CSMD1: variants seen among roughly 807,000 people sequenced by gnomAD.
CSMD1 encodes CUB and Sushi multiple domains 1, also known as CUB and sushi domain-containing protein 1.
A neutral mutation model predicts 417.5 loss-of-function variants in CSMD1; 213 were observed. That is an observed-to-expected ratio of 0.51 (90% confidence interval 0.46 to 0.57). The LOEUF (loss-of-function observed/expected upper bound fraction) is 0.57. Ranked by LOEUF, CSMD1 falls within the 20% of genes least tolerant of loss-of-function variation. The pLI, the probability that CSMD1 is intolerant of heterozygous loss-of-function variation, is 0.00. For synonymous variants in CSMD1, 2,862 were observed against 1,736.8 expected (o/e 1.65, Z -16.11); for missense variants, 6,923 against 4,529.7 (o/e 1.53, Z -15.17).
intron 1 of CSMD1, among the ~76,000 whole-genome samples, chr8:4,964,825 C>T (rs1009564027): frequency 1.3e-5 from 2 of 152,164 alleles, no homozygotes; most frequent in African/African-American, 2.4e-5. Flanking sequence ...TGTGCACCCA[C>T]GATGGACTTT....
At chr8:4,697,255 C>T (rs767458035) in intron 1 of CSMD1, among the ~76,000 whole-genome samples, 8 of 151,984 alleles carry the variant, frequency 5.3e-5, no homozygotes, top group Non-Finnish European at 7.4e-5. Flanking sequence ...GCTGTAAAGG[C>T]CCTTAGAACA....
intron 10 of CSMD1, among the ~76,000 whole-genome samples, chr8:3,495,086 G>C (rs1796310403): frequency 6.6e-6 from 1 of 152,180 alleles, no homozygotes; most frequent in African/African-American, 2.4e-5. Context: ...TCAAATTGCA[G>C]TATTTGTATG....
chr8:3,235,626 G>C (rs1450328309), intron 26 of CSMD1, among the ~76,000 whole-genome samples: 1 of 152,166 alleles, frequency 6.6e-6, no homozygotes, highest in Non-Finnish European at 1.5e-5. Flanking sequence ...ATAGAGCACA[G>C]TTTTCCTAGA....
intron 7 of CSMD1, among the ~76,000 whole-genome samples, chr8:3,678,791 G>C (rs1332618705): frequency 2.0e-5 from 3 of 152,230 alleles, no homozygotes; most frequent in East Asian, 1.9e-4. Context: ...CAGAGAGAAA[G>C]GTCGGGTTAC....
chr8:4,621,673 T>G (rs1234506012), intron 2 of CSMD1, among the ~76,000 whole-genome samples: 2 of 152,122 alleles, frequency 1.3e-5, no homozygotes, highest in Non-Finnish European at 2.9e-5. Flanking sequence ...TCTGCTCATT[T>G]TTTTAATAAT....
At chr8:4,147,075 C>G (rs923172140) in intron 3 of CSMD1, among the ~76,000 whole-genome samples, 7 of 152,096 alleles carry the variant, frequency 4.6e-5, no homozygotes, top group Admixed American at 2.0e-4. Context: ...CTAACTCCAG[C>G]TGTCCTCACT....
At chr8:4,510,149 C>A (rs751226835) in intron 2 of CSMD1, among the ~76,000 whole-genome samples, 1 of 151,976 alleles carries the variant, frequency 6.6e-6, no homozygotes, top group Non-Finnish European at 1.5e-5. Flanking sequence ...GCTCCCTTTG[C>A]CTGCTGCCAT....
At chr8:3,859,909 A>G (rs1804578264) in intron 5 of CSMD1, among the ~76,000 whole-genome samples, 1 of 152,214 alleles carries the variant, frequency 6.6e-6, no homozygotes, top group South Asian at 2.1e-4. Flanking sequence ...CTTCTTCTGT[A>G]ATAAGCTATA....
chr8:3,119,013 T>C (rs1396907886), intron 41 of CSMD1, among the ~76,000 whole-genome samples: 2 of 152,236 alleles, frequency 1.3e-5, no homozygotes, highest in East Asian at 3.9e-4. Context: ...ATCCTGTCTC[T>C]ACTAAAAATA....
rs528008933 is a variant in CSMD1 at position 4,382,030 on chromosome 8, G to C, written c.415+37923C>G. Among the ~76,000 whole-genome samples, 5 of 152,264 alleles carry C rather than the reference G, an allele frequency of 3.3e-5. No homozygotes were observed. In the East Asian group the frequency reaches 9.7e-4, roughly 29 times the overall value. The stretch of plus-strand genomic sequence containing the variant: ...AAAGGAAATGGTATAGCTGGGGTCT[G>C]AATTTCTGTTATGCGACACCAGAAC... On this transcript the variant is annotated intron_variant, in intron 3 of 69. Transcript: ENST00000635120.
intron 6 of CSMD1, among the ~76,000 whole-genome samples, chr8:3,743,687 T>G (rs1290574136): frequency 6.6e-6 from 1 of 152,110 alleles, no homozygotes; most frequent in Non-Finnish European, 1.5e-5. Context: ...CTTCTCCGTA[T>G]TTTTTCCCAT....
chr8:3,382,896 G>T (rs1337916640), intron 18 of CSMD1, among the ~76,000 whole-genome samples: 1 of 151,914 alleles, frequency 6.6e-6, no homozygotes, highest in Admixed American at 6.6e-5. Context: ...AGTTTTCCAA[G>T]ATTTAAAAAC....
intron 46 of CSMD1, among the ~76,000 whole-genome samples, chr8:3,100,662 A>G (rs1311743689): frequency 6.6e-6 from 1 of 152,208 alleles, no homozygotes; most frequent in Non-Finnish European, 1.5e-5. Context: ...CTTCTGCACA[A>G]TGTTAGTGCC....
At chr8:4,047,917 A>G (rs1271278423) in intron 3 of CSMD1, among the ~76,000 whole-genome samples, 4 of 152,206 alleles carry the variant, frequency 2.6e-5, no homozygotes, top group Non-Finnish European at 5.9e-5. Flanking sequence ...GTAGTATTAT[A>G]AAAATTAGGA....
At chr8:4,926,322 A>G (rs368229761) in intron 1 of CSMD1, among the ~76,000 whole-genome samples, 3 of 152,160 alleles carry the variant, frequency 2.0e-5, no homozygotes. Flanking sequence ...TAAAACACCT[A>G]TAATTTTGTG....
chr8:4,814,538 A>G (rs1218971621), intron 1 of CSMD1, among the ~76,000 whole-genome samples: 2 of 152,180 alleles, frequency 1.3e-5, no homozygotes, highest in Non-Finnish European at 2.9e-5. Flanking sequence ...TGAGGTAATA[A>G]TAATAGATTA....
At chr8:4,226,115 C>G (rs891184898) in intron 3 of CSMD1, among the ~76,000 whole-genome samples, 14 of 151,726 alleles carry the variant, frequency 9.2e-5, no homozygotes, top group Non-Finnish European at 1.9e-4. Context: ...CACGCCAACA[C>G]ACATACACAC....
chr8:4,422,888 C>A (rs73658879), intron 2 of CSMD1, among the ~76,000 whole-genome samples: 3,777 of 151,864 alleles, frequency 0.025, 176 homozygotes, highest in African/African-American at 0.085. Context: ...AAAATTAATC[C>A]ATATAATCTG....
chr8:4,254,711 G>A (rs1041082191), intron 3 of CSMD1, among the ~76,000 whole-genome samples: 3 of 152,204 alleles, frequency 2.0e-5, no homozygotes, highest in South Asian at 4.1e-4. Context: ...CCTTTTCCAT[G>A]TGTAGGTATG....
Sources: gnomAD v4.1 joint callset for allele counts (sites outside exome capture counted in the v4.1 genomes callset) on GRCh38, gnomAD v4.1.1 for gene constraint, MANE v1.5 for transcripts, NCBI Gene and HGNC (gene_info 2026-07-23, HGNC 2026-07-21) for gene names.